RANBP2: variants seen among roughly 807,000 people sequenced by gnomAD.
RANBP2 encodes the protein E3 SUMO-protein ligase RanBP2.
RANBP2 carries 57 observed loss-of-function variants against 303.6 expected under a neutral mutation model. The observed-to-expected ratio is 0.19, with a 90% CI of 0.15 to 0.23. The LOEUF (loss-of-function observed/expected upper bound fraction) is 0.23, where lower values mean the gene tolerates loss of function less well. Among genes scored for constraint, RANBP2 ranks in the 10% least tolerant of loss-of-function variants. RANBP2 has a pLI of 1.00. For missense variants in RANBP2, 3,138 were observed against 3,780.8 expected, an observed-to-expected ratio of 0.83 and a Z score of 4.46; for synonymous variants, 1,167 against 1,301.5, an observed-to-expected ratio of 0.90 and a Z score of 2.23.
At chr2:108,823,690 G>A in the RANBP2 span, among the ~76,000 whole-genome samples, 2 of 152,142 alleles carry the variant, frequency 1.3e-5, no homozygotes, top group African/African-American at 4.8e-5. Context: ...ATAAAAAAGG[G>A]TGCACCTGGG....
the RANBP2 span, among the ~76,000 whole-genome samples, chr2:109,171,719 C>T: frequency 6.6e-6 from 1 of 152,264 alleles, no homozygotes; most frequent in Admixed American, 6.5e-5. Context: ...AGAGGCCCAG[C>T]CCCTGCGCCT....
At chr2:108,839,375 T>C in the RANBP2 span, 1 of 1,277,382 alleles carries the variant, frequency 7.8e-7, no homozygotes, top group African/African-American at 1.5e-5. Flanking sequence ...TTTCACAATA[T>C]CTGTTTTGAA....
At chr2:109,644,941 G>A in the RANBP2 span, among the ~76,000 whole-genome samples, 9 of 152,312 alleles carry the variant, frequency 5.9e-5, no homozygotes, top group Admixed American at 2.0e-4. Flanking sequence ...CTTTAGGGAC[G>A]TTTCCCTAGT....
the RANBP2 span, among the ~76,000 whole-genome samples, chr2:108,827,263 T>C: frequency 6.6e-6 from 1 of 152,156 alleles, no homozygotes; most frequent in African/African-American, 2.4e-5. Flanking sequence ...TTCAGTAAAG[T>C]ATCCAGTTGC....
At chr2:109,623,528 G>A in the RANBP2 span, among the ~76,000 whole-genome samples, 2 of 152,204 alleles carry the variant, frequency 1.3e-5, no homozygotes, top group Non-Finnish European at 1.5e-5. Flanking sequence ...CCTATCTGGA[G>A]CTTCCCCTGA....
At chr2:109,595,025 TA>T in the RANBP2 span, 1 of 152,158 alleles carries the variant, frequency 6.6e-6, no homozygotes, top group African/African-American at 2.4e-5. Flanking sequence ...CAGCTGGGAT[TA>T]CCGGCAAGCA....
chr2:108,839,200 AC>A, the RANBP2 span: 1 of 1,609,602 alleles, frequency 6.2e-7, no homozygotes, highest in South Asian at 1.1e-5. Flanking sequence ...GCCTCTAATG[AC>A]AGAGCAGCTA....
the RANBP2 span, chr2:109,616,064 G>A: frequency 6.7e-7 from 1 of 1,500,128 alleles, no homozygotes; most frequent in Non-Finnish European, 8.9e-7. Flanking sequence ...ATGTATTTGG[G>A]TAAAAATTGC....
the RANBP2 span, among the ~76,000 whole-genome samples, chr2:109,323,543 G>A: frequency 6.6e-6 from 1 of 152,240 alleles, no homozygotes. Flanking sequence ...GGTAGTGGTA[G>A]ATGGGGCATA....
chr2:109,068,780 C>A, the RANBP2 span, among the ~76,000 whole-genome samples: 44 of 152,270 alleles, frequency 2.9e-4, no homozygotes, highest in Middle Eastern at 3.4e-3. Flanking sequence ...GTTGGAATAC[C>A]ATTTGTTTTC....
the RANBP2 span, among the ~76,000 whole-genome samples, chr2:109,657,604 T>C: frequency 6.6e-6 from 1 of 152,074 alleles, no homozygotes; most frequent in African/African-American, 2.4e-5. Context: ...TATAAATTCC[T>C]CAGTTGCATT....
the RANBP2 span, among the ~76,000 whole-genome samples, chr2:109,086,612 A>C: frequency 6.6e-6 from 1 of 152,188 alleles, no homozygotes; most frequent in Admixed American, 6.5e-5. Flanking sequence ...ACCTTTGTAA[A>C]GTGCAGGCTC....
chr2:109,433,125 A>C, the RANBP2 span, among the ~76,000 whole-genome samples: 1 of 152,232 alleles, frequency 6.6e-6, no homozygotes, highest in Non-Finnish European at 1.5e-5. Context: ...GTGCGTATGC[A>C]TACTGTAAGC....
At chr2:108,880,321 ATTG>A in the RANBP2 span, among the ~76,000 whole-genome samples, 2 of 152,322 alleles carry the variant, frequency 1.3e-5, no homozygotes, top group East Asian at 1.9e-4. Context: ...AAGACTCAAT[ATTG>A]TTAAGATGTC....
the RANBP2 span, among the ~76,000 whole-genome samples, chr2:109,773,159 A>G: frequency 2.6e-5 from 4 of 152,036 alleles, no homozygotes; most frequent in Non-Finnish European, 4.4e-5. Context: ...ATTGGACAAG[A>G]TTGTCTAGGA....
the RANBP2 span, among the ~76,000 whole-genome samples, chr2:109,061,460 G>A: frequency 9.9e-5 from 15 of 152,078 alleles, no homozygotes; most frequent in African/African-American, 2.9e-4. Context: ...TGCTTGGTGG[G>A]TTTGCAAGCA....
At chr2:109,723,356 G>T in the RANBP2 span, among the ~76,000 whole-genome samples, 1 of 152,152 alleles carries the variant, frequency 6.6e-6, no homozygotes, top group Non-Finnish European at 1.5e-5. Flanking sequence ...CCCTATGTTG[G>T]CCAGGCTGGT....
intron 17 of RANBP2, among the ~76,000 whole-genome samples, 156 bp from the exon 18 acceptor site, chr2:108,758,257 A>G (rs1025950824): frequency 2.7e-5 from 4 of 150,640 alleles, no homozygotes; most frequent in Non-Finnish European, 5.9e-5. Flanking sequence ...AGATTGTGCC[A>G]TTGCACTCCA....
chr2:109,072,384 T>C, the RANBP2 span, among the ~76,000 whole-genome samples: 1 of 152,180 alleles, frequency 6.6e-6, no homozygotes, highest in Admixed American at 6.5e-5. Flanking sequence ...TCTCCAGGCT[T>C]TCCTGCATGG....
Sources: allele counts gnomAD v4.1 joint callset (sites outside exome capture counted in the v4.1 genomes callset), GRCh38; gene constraint gnomAD v4.1.1; transcripts MANE v1.5; gene names NCBI Gene and HGNC (gene_info 2026-07-23, HGNC 2026-07-21).